KAT6A: variants seen among roughly 807,000 people sequenced by gnomAD.
KAT6A encodes histone acetyltransferase KAT6A.
Under a neutral mutation model 198.4 loss-of-function variants are expected in KAT6A, and 9 were observed. The observed-to-expected ratio is 0.05, with a 90% CI of 0.03 to 0.08. The LOEUF is 0.08. Ranked by LOEUF, KAT6A falls within the 10% of genes least tolerant of loss-of-function variation. The pLI is 1.00. For synonymous variants in KAT6A, 890 were observed against 883.0 expected (o/e 1.01, Z -0.14); for missense variants, 2,077 against 2,509.9 (o/e 0.83, Z 3.69).
intron 5 of KAT6A, among the ~76,000 whole-genome samples, chr8:41,979,900 GAGGC>G (rs1564037520): frequency 1.3e-5 from 2 of 152,190 alleles, no homozygotes; most frequent in African/African-American, 4.8e-5. Context: ...ATGGGAGGCT[GAGGC>G]AGAGAATCGC....
chr8:42,027,241 TTTG>T (rs1290124736), intron 2 of KAT6A, among the ~76,000 whole-genome samples: 5 of 152,140 alleles, frequency 3.3e-5, no homozygotes, highest in Non-Finnish European at 7.4e-5. Context: ...GTAGTTTTCT[TTTG>T]TTGTTGTTGT....
intron 12 of KAT6A, among the ~76,000 whole-genome samples, chr8:41,944,184 AAGTT>A (rs1403811946): frequency 1.3e-5 from 2 of 152,168 alleles, no homozygotes; most frequent in Non-Finnish European, 2.9e-5. Flanking sequence ...ATTGAAGACT[AAGTT>A]AGTATTATTA....
intron 2 of KAT6A, among the ~76,000 whole-genome samples, chr8:41,999,746 G>A (rs1045812405): frequency 2.6e-5 from 4 of 152,052 alleles, no homozygotes; most frequent in Admixed American, 1.3e-4. Context: ...TCTCAAAGTC[G>A]TTTGTATCTC....
At chr8:42,045,238 C>T (rs1034558305) in intron 2 of KAT6A, among the ~76,000 whole-genome samples, 8 of 152,180 alleles carry the variant, frequency 5.3e-5, no homozygotes, top group African/African-American at 1.7e-4. Flanking sequence ...GAAACAAACT[C>T]TATTTTCCAA....
In KAT6A at chr8:41,931,280, C is replaced by T. The variant is rs756815267; in HGVS notation, c.*925G>A. 3.0e-4 allele frequency: 65 copies of T among 218,686 alleles called. No homozygotes were observed. Among genetic ancestry groups the T allele is most frequent in the African/African-American group, 1.3e-3 (56 of 44,510 alleles). 13.5% of individuals were successfully genotyped at this position (218,686 alleles called of 1,614,324 possible). On this transcript the variant is annotated 3_prime_UTR_variant, in exon 17 of 17. Coordinates refer to ENST00000265713, the MANE Select transcript of KAT6A (RefSeq NM_006766.5). ...CAAGAGGCTGGGTGGCGTGTGTGTG[C>T]GTTATGGCTGATTCACCAGGTGGTA...
chr8:42,015,801 A>G (rs1413731743), intron 2 of KAT6A, among the ~76,000 whole-genome samples: 1 of 152,206 alleles, frequency 6.6e-6, no homozygotes, highest in African/African-American at 2.4e-5. Context: ...CAATTTATCT[A>G]TTCCTACTGC....
intron 8 of KAT6A, among the ~76,000 whole-genome samples, chr8:41,970,124 A>T (rs921484060): frequency 2.0e-5 from 3 of 152,140 alleles, no homozygotes; most frequent in African/African-American, 7.2e-5. Flanking sequence ...TGAAACTAAA[A>T]GCTTCATGAA....
intron 7 of KAT6A, 100 bp downstream of exon 7, chr8:41,976,905 ATTG>A: frequency 1.0e-6 from 1 of 969,128 alleles, no homozygotes; most frequent in East Asian, 2.6e-5. Context: ...TCTATAACCA[ATTG>A]TTAATAATCA....
intron 2 of KAT6A, among the ~76,000 whole-genome samples, chr8:42,005,796 A>ACACACACT (rs71239089): frequency 0.16 from 23,393 of 148,434 alleles, 1,961 homozygotes; most frequent in Non-Finnish European, 0.19. Flanking sequence ...ACACACACAC[A>ACACACACT]CACTCACTCT....
intron 16 of KAT6A, among the ~76,000 whole-genome samples, chr8:41,936,395 C>T (rs1821858491): frequency 1.3e-5 from 2 of 152,166 alleles, no homozygotes; most frequent in Non-Finnish European, 2.9e-5. Flanking sequence ...CCAGTTAATG[C>T]ATAAAAGCTA....
At chr8:41,995,894 T>G (rs554466718) in intron 2 of KAT6A, among the ~76,000 whole-genome samples, 1 of 152,268 alleles carries the variant, frequency 6.6e-6, no homozygotes, top group South Asian at 2.1e-4. Context: ...CAGGCTGGTC[T>G]CGAACTCTTA....
At chr8:41,945,727 T>C (rs1198403579) in intron 12 of KAT6A, among the ~76,000 whole-genome samples, 1 of 151,670 alleles carries the variant, frequency 6.6e-6, no homozygotes, top group Non-Finnish European at 1.5e-5. Context: ...ATTAGCTGTT[T>C]AAAAATATTT....
At chr8:42,008,927 A>G (rs1002238323) in intron 2 of KAT6A, among the ~76,000 whole-genome samples, 2 of 152,208 alleles carry the variant, frequency 1.3e-5, no homozygotes, top group African/African-American at 4.8e-5. Context: ...TTGGTGAATA[A>G]AGCAATATAA....
intron 9 of KAT6A, among the ~76,000 whole-genome samples, chr8:41,952,310 A>G (rs141745062): frequency 3.2e-4 from 48 of 152,314 alleles, no homozygotes; most frequent in African/African-American, 1.1e-3. Context: ...AGGCTACTCT[A>G]TCACCTAGGA....
chr8:41,932,554 C>G lies in KAT6A; in HGVS notation c.5666G>C (p.Arg1889Pro). The change falls in exon 17 of 17, where the codon CGC (arginine) becomes CCC (proline). Residue 1889 changes from arginine (R) to proline (P), a missense_variant. Arg to Pro is a moderately radical substitution (Grantham distance 103). This residue lies in a region of KAT6A where 500 missense variants were observed against 577.2 expected (regional missense o/e 0.87). Coordinates refer to ENST00000265713, the MANE Select transcript of KAT6A (RefSeq NM_006766.5). ...PSAVAMQAGP[R>P]ALAVQRGMNM... is the part of the protein sequence containing the mutation. ...CATGCCACGCTGAACAGCCAGTGCG[C>G]GAGGGCCAGCCTGCATGGCAACTGC... is the stretch of plus-strand genomic sequence containing the variant. 1 of 1,614,216 alleles carries G rather than the reference C, an allele frequency of 6.2e-7. No individual in the cohort carries two copies. The highest frequency in any genetic ancestry group is 8.5e-7 in the Non-Finnish European group (1 of 1,180,044).
intron 2 of KAT6A, among the ~76,000 whole-genome samples, chr8:42,045,071 C>T (rs1248671937): frequency 2.0e-5 from 3 of 152,160 alleles, no homozygotes; most frequent in Non-Finnish European, 1.5e-5. Flanking sequence ...TTAATGTAAA[C>T]TTTTCATATC....
rs1821554924 is a variant in KAT6A at position 41,931,726 on chromosome 8, T to C, written c.*479A>G. 1 of 195,346 alleles carries C rather than the reference T, an allele frequency of 5.1e-6. No homozygotes were observed. Among genetic ancestry groups the C allele is most frequent in the Non-Finnish European group, 1.1e-5 (1 of 93,668 alleles). 12.1% of individuals were successfully genotyped at this position (195,346 alleles called of 1,614,324 possible). A position where few individuals can be genotyped will look rare whatever the true frequency, so the allele number is the denominator to read the frequency against. ...CGAGTCTCCCCTAAGTGCCTCCTGC[T>C]GGAATGAAGTAGGAAATGAAAGGTT... On this transcript the variant is annotated 3_prime_UTR_variant, in exon 17 of 17. Transcript: ENST00000265713.
chr8:41,935,320 C>T (rs1049358794), intron 16 of KAT6A, among the ~76,000 whole-genome samples: 2 of 151,886 alleles, frequency 1.3e-5, no homozygotes, highest in Non-Finnish European at 2.9e-5. Context: ...CTTTATCTCT[C>T]GGATTTTCTT....
rs546331395 is a variant in KAT6A at position 41,969,758 on chromosome 8, T to C, written c.1482+4946A>G. 4.9e-4 allele frequency among the ~76,000 whole-genome samples: 75 copies of C among 152,264 alleles called. 1 individual carries two copies. The highest frequency in any genetic ancestry group is 1.4e-3 in the African/African-American group (57 of 41,504). ...AATTCTAACTTCTGGCCTCAGTCTA[T>C]TTCCCCAGCTTCACCTTATGCAACT... On this transcript the variant is annotated intron_variant, in intron 8 of 16. Coordinates refer to ENST00000265713, the MANE Select transcript of KAT6A (RefSeq NM_006766.5).
Sources: gnomAD v4.1 joint callset for allele counts (sites outside exome capture counted in the v4.1 genomes callset) on GRCh38, gnomAD v4.1.1 for gene constraint, gnomAD v4.1.1 regional missense constraint, MANE v1.5 for transcripts, NCBI Gene and HGNC (gene_info 2026-07-23, HGNC 2026-07-21) for gene names.